MANBA: variants seen among roughly 807,000 people sequenced by gnomAD.
MANBA encodes the protein beta-mannosidase.
Under a neutral mutation model 111.1 loss-of-function variants are expected in MANBA, and 83 were observed. That is an observed-to-expected ratio of 0.75 (90% CI 0.63 to 0.90). MANBA has a LOEUF of 0.90. Ranked by LOEUF, MANBA falls within the 40% of genes least tolerant of loss-of-function variation. MANBA has a pLI of 0.00. For missense variants in MANBA, 1,036 were observed against 1,069.0 expected (o/e 0.97, Z 0.43); for synonymous variants, 370 against 378.7 (o/e 0.98, Z 0.27).
Position 102,690,680 on chromosome 4 carries a change from G to A in MANBA, c.765C>T (p.Ile255=). The A allele has an allele frequency of 6.2e-7, 1 of 1,611,278 alleles. No homozygotes were observed. Among genetic ancestry groups the A allele is most frequent in the Middle Eastern group, 1.7e-4 (1 of 6,046 alleles). The stretch of plus-strand genomic sequence containing the variant: ...ATGTCTGTTGTGTTTGCAACTTAGG[G>A]ATGGCTACGATCACTTGACCACCAA... The part of the protein sequence containing the change: ...KPVGGQVIVA[I]PKLQTQQTYS... The change falls in exon 6 of 17, where the codon ATC becomes ATT. Residue 255 remains isoleucine (I), a synonymous_variant. Coordinates refer to ENST00000647097, the MANE Select transcript of MANBA (RefSeq NM_005908.4).
rs542239558 is a variant in MANBA at position 102,704,344 on chromosome 4, A to AT, written c.673+10093dup. Among the ~76,000 whole-genome samples the AT allele has an allele frequency of 4.5e-4, 69 of 151,906 alleles. No homozygotes were observed. The South Asian group carries it at 0.013, about 28-fold the overall frequency. On this transcript the variant is annotated intron_variant, in intron 5 of 16. Coordinates refer to ENST00000647097, the MANE Select transcript of MANBA (RefSeq NM_005908.4). ...AGGCATATACCACCACACATGGCTA[A>AT]TTTTTTTTATTTTTTGTAGAGACAA...
chr4:102,702,010 A>G (rs1377212858), intron 5 of MANBA, among the ~76,000 whole-genome samples: 8 of 152,044 alleles, frequency 5.3e-5, no homozygotes, highest in Non-Finnish European at 1.2e-4. Context: ...TCAGACGTAG[A>G]TTTGGTCTTT....
chr4:102,635,110 G>A, intron 15 of MANBA, 65 bp from the exon 16 acceptor site: 4 of 1,563,648 alleles, frequency 2.6e-6, no homozygotes, highest in Non-Finnish European at 2.6e-6. Context: ...AGGAACAATA[G>A]TAGTAATAAT....
intron 5 of MANBA, among the ~76,000 whole-genome samples, chr4:102,698,407 T>A (rs1457127465): frequency 3.3e-5 from 5 of 150,066 alleles, no homozygotes; most frequent in African/African-American, 1.2e-4. Flanking sequence ...TTGCTTTTGG[T>A]GTTTTAGACA....
chr4:102,671,730 C>T (rs575457526), intron 8 of MANBA, among the ~76,000 whole-genome samples: 1 of 152,134 alleles, frequency 6.6e-6, no homozygotes, highest in East Asian at 1.9e-4. Context: ...TTATACAAAC[C>T]CTCCAAACTA....
rs771955419 is a variant in MANBA, at chr4:102,657,871, G to A, written c.1515C>T (p.Ser505=). 2.5e-6 allele frequency: 4 copies of A among 1,613,102 alleles called. No individual in the cohort carries two copies. Among genetic ancestry groups the A allele is most frequent in the African/African-American group, 2.7e-5 (2 of 74,886 alleles). The change falls in exon 12 of 17, where the codon TCC becomes TCT. Residue 505 remains serine (S), a synonymous_variant. Coordinates refer to ENST00000647097, the MANE Select transcript of MANBA (RefSeq NM_005908.4). ...AGDKSRPFIT[S]SPTNGAETVA... is the part of the protein sequence containing the mutation. ...CAGTTTCAGCCCCATTTGTAGGACT[G>A]GACGTAATAAAAGGACGACTCTTGT...
At chr4:102,709,374 GGAAGGAAGGAAGAAAGAAAGAAAGA>G (rs1721942602) in intron 5 of MANBA, among the ~76,000 whole-genome samples, 1 of 131,524 alleles carries the variant, frequency 7.6e-6, no homozygotes, top group African/African-American at 2.8e-5. Flanking sequence ...GAAAAAGAAA[GGAAGGAAGGAAGAAAGAAAGAAAGA>G]AAAAAAAGAA....
At chr4:102,714,930 A>C (rs1401836999) in intron 4 of MANBA, among the ~76,000 whole-genome samples, 1 of 152,144 alleles carries the variant, frequency 6.6e-6, no homozygotes, top group South Asian at 2.1e-4. Context: ...TTTTATCTTA[A>C]TCACCCCTTA....
At chr4:102,649,506 C>G (rs1730238275) in intron 13 of MANBA, among the ~76,000 whole-genome samples, 2 of 152,138 alleles carry the variant, frequency 1.3e-5, no homozygotes, top group South Asian at 4.1e-4. Context: ...TGATTTACAA[C>G]AAGATTGGGC....
Position 102,671,346 on chromosome 4 carries a change from C to T in MANBA, c.1165G>A (p.Val389Ile), listed in dbSNP as rs763484870. Residue 389 changes from valine to isoleucine, a missense_variant, in exon 9 of 17, where the codon GTT (valine) becomes ATT (isoleucine). Physicochemically the swap from Val to Ile is conservative, Grantham distance 29. Coordinates refer to ENST00000647097, the MANE Select transcript of MANBA (RefSeq NM_005908.4). Reference protein sequence around the residue: ...VVDANMNTLRVWGGGIYEQDE... With the variant: ...VVDANMNTLRIWGGGIYEQDE... Reference sequence around the variant, plus strand: ...TGCTCATAAATTCCTCCTCCCCAAACCCGAAGAGTATTCATATTAGCATCC... The same window carrying T: ...TGCTCATAAATTCCTCCTCCCCAAATCCGAAGAGTATTCATATTAGCATCC... The T allele has an allele frequency of 6.2e-7, 1 of 1,609,736 alleles. No homozygotes were observed. The highest frequency in any genetic ancestry group is 1.1e-5 in the South Asian group (1 of 90,978).
At chr4:102,682,677 T>C (rs376531173) in intron 7 of MANBA, 1 of 151,998 alleles carries the variant, frequency 6.6e-6, no homozygotes, top group African/African-American at 2.4e-5. Flanking sequence ...CAATGGCTGG[T>C]GTAGTTATAA....
chr4:102,715,123 C>A (rs992747853), intron 4 of MANBA, among the ~76,000 whole-genome samples: 2 of 152,124 alleles, frequency 1.3e-5, no homozygotes, highest in Admixed American at 1.3e-4. Context: ...TTCTAACCAC[C>A]AGCATATAGC....
intron 1 of MANBA, among the ~76,000 whole-genome samples, chr4:102,749,836 C>T (rs1723721794): frequency 1.3e-5 from 2 of 152,182 alleles, no homozygotes; most frequent in Admixed American, 1.3e-4. Context: ...TGCATTAATA[C>T]TTATACATGA....
chr4:102,702,483 C>T (rs28612772), intron 5 of MANBA, among the ~76,000 whole-genome samples: 4,046 of 151,758 alleles, frequency 0.027, 120 homozygotes, highest in African/African-American at 0.075. Context: ...CCAATCTTTG[C>T]GGTTTTATCT....
chr4:102,710,486 C>T lies in MANBA; in HGVS notation c.673+3952G>A, dbSNP rs376190193. 7.2e-5 allele frequency among the ~76,000 whole-genome samples: 11 copies of T among 152,096 alleles called. No individual in the cohort carries two copies. In the South Asian group the frequency reaches 1.7e-3, roughly 23 times the overall value. ...AGACCTCTACAAGGAAAACTATAAA[C>T]GTCTGATGAAATAAATTGAAGAGGT... is the stretch of plus-strand genomic sequence containing the variant. On this transcript the variant is annotated intron_variant, in intron 5 of 16. Coordinates refer to ENST00000647097, the MANE Select transcript of MANBA (RefSeq NM_005908.4).
intron 1 of MANBA, chr4:102,752,098 CAG>C: frequency 1.3e-6 from 1 of 761,382 alleles, no homozygotes. Context: ...CACAAATCGA[CAG>C]AGAACACAGA....
At position 102,690,679 on chromosome 4, in the gene MANBA, G is replaced by T; in HGVS notation, c.766C>A (p.Pro256Thr). 1 of 1,611,166 alleles carries T rather than the reference G, an allele frequency of 6.2e-7. No homozygotes were observed. Among genetic ancestry groups the T allele is most frequent in the Non-Finnish European group, 8.5e-7 (1 of 1,178,008 alleles). Residue 256 changes from proline to threonine, a missense_variant, in exon 6 of 17, where the codon CCT (proline) becomes ACT (threonine). By Grantham distance (38) the Pro-to-Thr change is conservative (BLOSUM62 -1). Transcript: ENST00000647097. ...PVGGQVIVAI[P>T]KLQTQQTYSI... ...TATGTCTGTTGTGTTTGCAACTTAGGGATGGCTACGATCACTTGACCACCA... is the reference window on the plus strand; with the variant it reads ...TATGTCTGTTGTGTTTGCAACTTAGTGATGGCTACGATCACTTGACCACCA...
chr4:102,726,324 G>A (rs1722797689), intron 2 of MANBA, among the ~76,000 whole-genome samples: 1 of 151,918 alleles, frequency 6.6e-6, no homozygotes, highest in Admixed American at 6.6e-5. Flanking sequence ...CATAACCACT[G>A]GAAAAATGAC....
At chr4:102,691,715 C>T (rs745998822) in intron 5 of MANBA, among the ~76,000 whole-genome samples, 5 of 151,900 alleles carry the variant, frequency 3.3e-5, no homozygotes, top group Non-Finnish European at 7.4e-5. Context: ...ACTTTGTTGT[C>T]CAGGTTAGTC....
Sources: allele counts gnomAD v4.1 joint callset (sites outside exome capture counted in the v4.1 genomes callset), GRCh38; gene constraint gnomAD v4.1.1; transcripts MANE v1.5; gene names NCBI Gene and HGNC (gene_info 2026-07-23, HGNC 2026-07-21).